Variants in MYT1L observed in about 807,000 individuals in gnomAD.
The protein encoded by MYT1L is myelin transcription factor 1-like protein.
In MYT1L, 12 loss-of-function variants were observed where a neutral mutation model predicts 126.7. The observed-to-expected ratio is 0.09, with a 90% CI of 0.06 to 0.15. The LOEUF (loss-of-function observed/expected upper bound fraction) is 0.15, where lower values mean the gene tolerates loss of function less well. MYT1L is among the 10% of genes least tolerant of loss of function. The probability of loss-of-function intolerance (pLI) is 1.00; values close to 1 mark genes in which losing one functional copy is unlikely to be tolerated. For synonymous variants in MYT1L, 541 were observed against 604.2 expected (o/e 0.90, Z 1.53); for missense variants, 979 against 1,585.2 (o/e 0.62, Z 6.49).
At chr2:2,082,812 T>C (rs1045913488) in intron 3 of MYT1L, among the ~76,000 whole-genome samples, 1 of 152,194 alleles carries the variant, frequency 6.6e-6, no homozygotes, top group African/African-American at 2.4e-5. Context: ...ACCAGTGGCT[T>C]TCAGATATGC....
rs753714812 is a variant in MYT1L, at chr2:1,910,248, G to A, written c.1809C>T (p.Arg603=). ...DVSKSSQASD[R]VLRPMCFVKQ... The stretch of plus-strand genomic sequence containing the variant: ...GCACTCCTGCTGGGTACCTGAGCAC[G>A]CGGTCCGAGGCCTGGCTGGACTTGG... The change falls in exon 13 of 25, where the codon CGC becomes CGT. Residue 603 remains arginine, a synonymous_variant. Transcript: ENST00000647738. The surrounding 1 kb of genome is among the most constrained non-coding windows in gnomAD (Gnocchi z 4.8). The A allele has an allele frequency of 2.7e-5, 44 of 1,612,808 alleles. No individual in the cohort carries two copies. The highest frequency in any genetic ancestry group is 6.7e-5 in the Admixed American group (4 of 60,000).
intron 8 of MYT1L, among the ~76,000 whole-genome samples, chr2:1,948,540 T>C (rs1038199322): frequency 1.3e-5 from 2 of 152,230 alleles, no homozygotes; most frequent in African/African-American, 4.8e-5. Flanking sequence ...ATGGAGGCCT[T>C]GGAAAGCAAT....
chr2:2,049,057 A>G (rs2068517918), intron 4 of MYT1L, among the ~76,000 whole-genome samples: 1 of 152,372 alleles, frequency 6.6e-6, no homozygotes, highest in East Asian at 1.9e-4. Context: ...TAATGAAATC[A>G]TAACAATTAT....
At chr2:2,213,189 C>T (rs1324968294) in intron 2 of MYT1L, among the ~76,000 whole-genome samples, 1 of 152,166 alleles carries the variant, frequency 6.6e-6, no homozygotes, top group East Asian at 1.9e-4. Context: ...ACACCAGACA[C>T]AAGATAATGG....
chr2:2,149,638 G>A (rs2085427282), intron 3 of MYT1L, among the ~76,000 whole-genome samples: 1 of 152,206 alleles, frequency 6.6e-6, no homozygotes, highest in Non-Finnish European at 1.5e-5. Flanking sequence ...AGGCCATACA[G>A]GGTTCTTTCC....
chr2:2,198,822 G>A (rs2092935330), intron 2 of MYT1L, among the ~76,000 whole-genome samples: 1 of 152,034 alleles, frequency 6.6e-6, no homozygotes, highest in South Asian at 2.1e-4. Flanking sequence ...CTCCAGCCTG[G>A]GCGACAGAGC....
intron 23 of MYT1L, among the ~76,000 whole-genome samples, chr2:1,800,939 T>G (rs1431709957): frequency 6.6e-6 from 1 of 151,846 alleles, no homozygotes; most frequent in Non-Finnish European, 1.5e-5. Flanking sequence ...CTGCTCACCC[T>G]GTGGGCAATG....
intron 5 of MYT1L, among the ~76,000 whole-genome samples, chr2:1,982,614 G>A (rs2060693125): frequency 6.6e-6 from 1 of 152,206 alleles, no homozygotes; most frequent in Non-Finnish European, 1.5e-5. Context: ...TCCTCACAGA[G>A]GGAACAGGAC....
chr2:2,278,220 C>G (rs1224805314), intron 2 of MYT1L, among the ~76,000 whole-genome samples: 1 of 152,190 alleles, frequency 6.6e-6, no homozygotes, highest in Non-Finnish European at 1.5e-5. Flanking sequence ...CACAGCAACT[C>G]ATGTGATCTC....
chr2:1,879,204 G>A (rs888728176), intron 18 of MYT1L, among the ~76,000 whole-genome samples: 11 of 152,136 alleles, frequency 7.2e-5, no homozygotes, highest in African/African-American at 2.2e-4. Context: ...TCCTGAAATG[G>A]CCAGGAAATC....
chr2:2,230,849 A>G (rs905221771), intron 2 of MYT1L, among the ~76,000 whole-genome samples: 4 of 152,112 alleles, frequency 2.6e-5, no homozygotes, highest in Non-Finnish European at 4.4e-5. Context: ...CTGTTCAAAT[A>G]CCTCCAAGAT....
intron 3 of MYT1L, among the ~76,000 whole-genome samples, chr2:2,110,154 G>A (rs1009464203): frequency 3.3e-5 from 5 of 151,572 alleles, no homozygotes; most frequent in Non-Finnish European, 5.9e-5. Context: ...ACCTGAGGTC[G>A]TGCCATAACC....
At chr2:2,032,032 C>T (rs2066356897) in intron 4 of MYT1L, among the ~76,000 whole-genome samples, 8 of 140,086 alleles carry the variant, frequency 5.7e-5, no homozygotes, top group East Asian at 4.4e-4. Flanking sequence ...CTTATACACA[C>T]CCCTCGCCAG....
At chr2:1,914,043 C>G (rs1190280459) in intron 11 of MYT1L, among the ~76,000 whole-genome samples, 1 of 152,068 alleles carries the variant, frequency 6.6e-6, no homozygotes, top group Non-Finnish European at 1.5e-5. Flanking sequence ...ATCACAAGGT[C>G]AGGAGTTCGA....
chr2:1,886,409 A>G (rs1013055606), intron 18 of MYT1L, 130 bp downstream of exon 18: 6 of 576,978 alleles, frequency 1.0e-5, no homozygotes, highest in African/African-American at 1.9e-5. Flanking sequence ...CCATGTCTAC[A>G]TCAAGGCACT....
At chr2:2,106,556 T>C (rs2078786599) in intron 3 of MYT1L, among the ~76,000 whole-genome samples, 1 of 152,200 alleles carries the variant, frequency 6.6e-6, no homozygotes, top group Non-Finnish European at 1.5e-5. Context: ...AGGCGGAGGT[T>C]GCAGTGAGCT....
chr2:2,136,187 AACAG>A (rs968932480), intron 3 of MYT1L, among the ~76,000 whole-genome samples: 1 of 152,206 alleles, frequency 6.6e-6, no homozygotes, highest in Admixed American at 6.5e-5. Flanking sequence ...TCTGCTGGGA[AACAG>A]AATAATGAGC....
At chr2:1,936,222 C>T (rs902782131) in intron 9 of MYT1L, among the ~76,000 whole-genome samples, 2 of 152,370 alleles carry the variant, frequency 1.3e-5, no homozygotes, top group African/African-American at 4.8e-5. Context: ...CACACCCGTC[C>T]TCTACCTGCA....
rs1307074291 is a variant in MYT1L, at chr2:2,224,397, G to A, written c.-420-51409C>T. On this transcript the variant is annotated intron_variant, in intron 2 of 24. Transcript: ENST00000647738. The surrounding 1 kb of genome is among the most constrained non-coding windows in gnomAD (Gnocchi z 4.0). ...CAAAACTAACATCCCCAAAAAGACC[G>A]GAGAGCTGGCGAGGTGACAGCCATG... Among the ~76,000 whole-genome samples, 1 of 152,144 alleles carries A rather than the reference G, an allele frequency of 6.6e-6. No homozygotes were observed. The highest frequency in any genetic ancestry group is 1.5e-5 in the Non-Finnish European group (1 of 68,032).
Sources: gnomAD v4.1 joint callset for allele counts (sites outside exome capture counted in the v4.1 genomes callset) on GRCh38, gnomAD v4.1.1 for gene constraint, Gnocchi (gnomAD v3.1) non-coding constraint, MANE v1.5 for transcripts, NCBI Gene and HGNC (gene_info 2026-07-23, HGNC 2026-07-21) for gene names.